SHANK2: variants seen among roughly 807,000 people sequenced by gnomAD.
SHANK2 encodes the protein SH3 and multiple ankyrin repeat domains protein 2.
Under a neutral mutation model 133.7 loss-of-function variants are expected in SHANK2, and 43 were observed. That is an observed-to-expected ratio of 0.32 (90% CI 0.25 to 0.41). The LOEUF (loss-of-function observed/expected upper bound fraction) is 0.41, where lower values mean the gene tolerates loss of function less well. SHANK2 is among the 10% of genes least tolerant of loss of function. SHANK2 has a pLI of 1.00. For synonymous variants in SHANK2, 1,017 were observed against 952.8 expected (o/e 1.07, Z -1.24); for missense variants, 1,994 against 2,235.8 (o/e 0.89, Z 2.18).
intron 14 of SHANK2, among the ~76,000 whole-genome samples, chr11:70,737,677 C>T (rs1169264974): frequency 1.3e-5 from 2 of 152,174 alleles, no homozygotes; most frequent in African/African-American, 2.4e-5. Flanking sequence ...CAGTATAGGA[C>T]GGGCAGCCCG....
chr11:70,756,727 C>T (rs1555038999), intron 14 of SHANK2, among the ~76,000 whole-genome samples: 2 of 152,208 alleles, frequency 1.3e-5, no homozygotes, highest in African/African-American at 4.8e-5. Context: ...CAGCCCCACA[C>T]CCCTATCATC....
chr11:70,692,008 C>T (rs1555021172), intron 15 of SHANK2, among the ~76,000 whole-genome samples: 1 of 152,226 alleles, frequency 6.6e-6, no homozygotes. Flanking sequence ...GCCATGGGGG[C>T]TTCCAAATTA....
At chr11:70,820,725 G>A (rs1335858939) in intron 11 of SHANK2, 43 bp from the exon 12 acceptor site, 15 of 624,098 alleles carry the variant, frequency 2.4e-5, no homozygotes, top group African/African-American at 7.3e-5. Flanking sequence ...GTGCATCTGT[G>A]TCGTGGTCAG....
At chr11:71,113,746 C>CA (rs1400103066) in intron 4 of SHANK2, among the ~76,000 whole-genome samples, 5 of 152,196 alleles carry the variant, frequency 3.3e-5, no homozygotes, top group African/African-American at 1.2e-4. Flanking sequence ...GATGCTGCTT[C>CA]AAACACCAGG....
chr11:71,206,462 T>C (rs1555118001), intron 2 of SHANK2, among the ~76,000 whole-genome samples: 1 of 151,996 alleles, frequency 6.6e-6, no homozygotes. Flanking sequence ...AGCGTAAATA[T>C]TTAGAGAAAG....
At chr11:70,943,619 G>A (rs1355330968) in intron 10 of SHANK2, among the ~76,000 whole-genome samples, 1 of 152,168 alleles carries the variant, frequency 6.6e-6, no homozygotes, top group Non-Finnish European at 1.5e-5. Flanking sequence ...CAGAAGGATG[G>A]CAAGTCCTGA....
chr11:70,560,031 C>CA (rs1343899724), intron 17 of SHANK2, among the ~76,000 whole-genome samples: 1 of 152,090 alleles, frequency 6.6e-6, no homozygotes. Flanking sequence ...ACCACCACGC[C>CA]AAGCTAATTT....
chr11:71,206,462 T>G (rs1555118001), intron 2 of SHANK2, among the ~76,000 whole-genome samples: 1 of 151,996 alleles, frequency 6.6e-6, no homozygotes, highest in African/African-American at 2.4e-5. Context: ...AGCGTAAATA[T>G]TTAGAGAAAG....
intron 2 of SHANK2, among the ~76,000 whole-genome samples, chr11:71,210,250 A>ATTTATT (rs1555118715): frequency 4.1e-4 from 35 of 85,460 alleles, no homozygotes; most frequent in African/African-American, 1.3e-3. Flanking sequence ...ATATATATAT[A>ATTTATT]TATTTATTTA....
intron 11 of SHANK2, among the ~76,000 whole-genome samples, chr11:70,881,598 ATAG>A (rs1555072428): frequency 6.7e-6 from 1 of 148,460 alleles, no homozygotes; most frequent in South Asian, 2.1e-4. Flanking sequence ...AATAATAATA[ATAG>A]TAAACTCCAG....
At chr11:70,560,077 G>T (rs1196211608) in intron 17 of SHANK2, among the ~76,000 whole-genome samples, 1 of 151,944 alleles carries the variant, frequency 6.6e-6, no homozygotes, top group Non-Finnish European at 1.5e-5. Context: ...TTGGCATGTT[G>T]ACCAGGCTGG....
rs1555159089 is a variant in SHANK2 at position 70,502,753 on chromosome 11, C to CA, written c.2197+42dup. The CA allele has an allele frequency of 3.3e-5, 46 of 1,393,108 alleles. No homozygotes were observed. In the East Asian group the frequency reaches 4.0e-4, roughly 12 times the overall value. 86.3% of individuals were successfully genotyped at this position (1,393,108 alleles called of 1,614,324 possible). ...CCTGCCCGCCCCCACCCCCCCCCCC[C>CA]AGTAGGGCCCCAGGCTGGAGCTGGG... On this transcript the variant is annotated intron_variant, in intron 18 of 25. Coordinates refer to ENST00000601538, the MANE Select transcript of SHANK2 (RefSeq NM_012309.5).
chr11:70,774,860 G>A (rs536052151), intron 14 of SHANK2, among the ~76,000 whole-genome samples: 5 of 152,254 alleles, frequency 3.3e-5, no homozygotes, highest in South Asian at 2.1e-4. Flanking sequence ...AGGGTTAACC[G>A]TCAAAATTTG....
chr11:70,583,274 G>A (rs1245732441), intron 17 of SHANK2, among the ~76,000 whole-genome samples: 1 of 152,202 alleles, frequency 6.6e-6, no homozygotes, highest in Admixed American at 6.5e-5. Flanking sequence ...GGTGGGAGGA[G>A]GCCTTGCTGG....
chr11:70,822,169 G>C (rs1313442581), intron 11 of SHANK2, among the ~76,000 whole-genome samples: 5 of 152,238 alleles, frequency 3.3e-5, no homozygotes, highest in Admixed American at 6.5e-5. Flanking sequence ...TCCCCGGCCC[G>C]TGATAATCGT....
At chr11:70,496,696 C>A (rs1317712039) in intron 21 of SHANK2, among the ~76,000 whole-genome samples, 1 of 152,128 alleles carries the variant, frequency 6.6e-6, no homozygotes, top group African/African-American at 2.4e-5. Context: ...AACCATGGGA[C>A]CAGGCGGGAG....
chr11:70,661,886 A>C, intron 15 of SHANK2: 4 of 1,382,856 alleles, frequency 2.9e-6, no homozygotes, highest in Non-Finnish European at 3.0e-6. Flanking sequence ...GCGTGGCACA[A>C]TGAGACTTGC....
At chr11:71,157,274 CT>C (rs1952924877) in intron 2 of SHANK2, among the ~76,000 whole-genome samples, 2 of 152,196 alleles carry the variant, frequency 1.3e-5, no homozygotes, top group South Asian at 4.1e-4. Context: ...AGAAAACAAG[CT>C]ACTAATAAAT....
At chr11:70,771,653 G>T (rs368275459) in intron 14 of SHANK2, among the ~76,000 whole-genome samples, 1 of 152,074 alleles carries the variant, frequency 6.6e-6, no homozygotes, top group African/African-American at 2.4e-5. Context: ...GCGTGGAGCC[G>T]CGCTGGGGGC....
Sources: allele counts gnomAD v4.1 joint callset (sites outside exome capture counted in the v4.1 genomes callset), GRCh38; gene constraint gnomAD v4.1.1; transcripts MANE v1.5; gene names NCBI Gene and HGNC (gene_info 2026-07-23, HGNC 2026-07-21).